The following MYL1 variants were observed in gnomAD, a reference collection of about 807,000 sequenced individuals.
MYL1 encodes myosin light chain 1.
Under a neutral mutation model 21.8 loss-of-function variants are expected in MYL1, and 16 were observed. The observed-to-expected ratio is 0.74, with a 90% CI of 0.50 to 1.12. MYL1 has a LOEUF of 1.12. Among genes scored for constraint, MYL1 ranks in the 50% most tolerant of loss-of-function variants. The pLI is 0.00. For missense variants in MYL1, 246 were observed against 241.0 expected (o/e 1.02, Z -0.14); for synonymous variants, 99 against 85.2 (o/e 1.16, Z -0.89).
intron 3 of MYL1, among the ~76,000 whole-genome samples, chr2:210,294,994 A>G (rs1452066584): frequency 6.6e-6 from 1 of 152,126 alleles, no homozygotes; most frequent in Non-Finnish European, 1.5e-5. Context: ...AGCAGTTTAC[A>G]AGGAGAGAGT....
intron 1 of MYL1, 71 bp downstream of exon 1, chr2:210,314,840 T>C (rs1690466112): frequency 6.4e-7 from 1 of 1,555,744 alleles, no homozygotes; most frequent in Admixed American, 1.7e-5. Flanking sequence ...AATACACGCC[T>C]TTGCAAGTTC....
chr2:210,295,391 T>C (rs1314965936), intron 3 of MYL1, among the ~76,000 whole-genome samples: 1 of 152,070 alleles, frequency 6.6e-6, no homozygotes, highest in Non-Finnish European at 1.5e-5. Context: ...ATCACCACTT[T>C]GGGAAGCCGA....
intron 1 of MYL1, among the ~76,000 whole-genome samples, chr2:210,310,065 A>T (rs1014674970): frequency 6.6e-6 from 1 of 152,118 alleles, no homozygotes; most frequent in African/African-American, 2.4e-5. Context: ...ACCTAGTGAT[A>T]GTGTCAAGTA....
chr2:210,297,884 C>G (rs752178773), intron 3 of MYL1, among the ~76,000 whole-genome samples: 10 of 151,960 alleles, frequency 6.6e-5, no homozygotes, highest in Non-Finnish European at 1.2e-4. Flanking sequence ...GACAAAGTTG[C>G]AATTTCATTT....
chr2:210,301,661 A>G (rs1690267013), intron 2 of MYL1, among the ~76,000 whole-genome samples: 1 of 152,052 alleles, frequency 6.6e-6, no homozygotes, highest in African/African-American at 2.4e-5. Context: ...ACTCCATAAA[A>G]CATTCCTCCC....
chr2:210,303,604 C>T lies in MYL1; in HGVS notation c.133-1089G>A, dbSNP rs561274656. ...CTGAAGAGTGAGTTGAGGGCTGCTC[C>T]GGTCCCTGAGTGGGGTCATCCCTGG... On this transcript the variant is annotated intron_variant, in intron 1 of 6. Coordinates refer to ENST00000352451, the MANE Select transcript of MYL1 (RefSeq NM_079420.3). The T allele has an allele frequency of 1.5e-4, 245 of 1,598,194 alleles. 2 individuals carry two copies. In the South Asian group the frequency reaches 1.6e-3, roughly 11 times the overall value.
chr2:210,314,908 T>C lies in MYL1; in HGVS notation c.132+3A>G. On this transcript the variant is annotated splice_donor_region_variant and intron_variant, in intron 1 of 6. Transcript: ENST00000352451. ...TGACCAAACAGTTCATCCATTTAGT[T>C]ACCTTAATGGCAGAGAGGTCAATTT... The C allele has an allele frequency of 6.2e-7, 1 of 1,613,900 alleles. No homozygotes were observed. Among genetic ancestry groups the C allele is most frequent in the Non-Finnish European group, 8.5e-7 (1 of 1,179,816 alleles).
intron 5 of MYL1, among the ~76,000 whole-genome samples, chr2:210,292,554 T>A (rs1248492155): frequency 1.7e-5 from 2 of 118,636 alleles, no homozygotes; most frequent in South Asian, 2.9e-4. Flanking sequence ...TGGTATTAAT[T>A]GAATTTTTTT....
rs71043988 is a variant in MYL1, at chr2:210,308,399, AATATATATATATATATATATATATAT to A, written c.133-5910_133-5885del. Among the ~76,000 whole-genome samples the A allele has an allele frequency of 1.1e-4, 9 of 84,764 alleles. 1 individual carries two copies. The highest frequency in any genetic ancestry group is 1.1e-4 in the Admixed American group (1 of 8,776). 55.6% of individuals were successfully genotyped at this position (84,764 alleles called of 152,430 possible). On this transcript the variant is annotated intron_variant, in intron 1 of 6. Coordinates refer to ENST00000352451, the MANE Select transcript of MYL1 (RefSeq NM_079420.3). The stretch of plus-strand genomic sequence containing the variant: ...CTTCAACATAGGATATACTTAGGCT[AATATATATATATATATATATATATAT>A]ATATATATATATATATTCTAGTCAC...
intron 1 of MYL1, among the ~76,000 whole-genome samples, chr2:210,309,954 G>A (rs890370402): frequency 6.6e-6 from 1 of 151,944 alleles, no homozygotes; most frequent in Non-Finnish European, 1.5e-5. Context: ...TAATTCTAGA[G>A]AAAATTACAA....
chr2:210,309,324 T>A (rs1690384124), intron 1 of MYL1, among the ~76,000 whole-genome samples: 1 of 152,018 alleles, frequency 6.6e-6, no homozygotes, highest in Non-Finnish European at 1.5e-5. Flanking sequence ...TGGATTTTTT[T>A]ATAAACAGGA....
intron 1 of MYL1, among the ~76,000 whole-genome samples, chr2:210,312,673 G>A (rs769606849): frequency 2.0e-5 from 3 of 151,714 alleles, no homozygotes; most frequent in African/African-American, 4.8e-5. Flanking sequence ...GTTTCCATTT[G>A]TTTCTCTTTT....
intron 1 of MYL1, among the ~76,000 whole-genome samples, chr2:210,311,238 A>G (rs1480108597): frequency 1.3e-5 from 2 of 152,074 alleles, no homozygotes; most frequent in African/African-American, 4.8e-5. Flanking sequence ...AGAAAAAAGA[A>G]CTTACAGATG....
At chr2:210,300,701 T>A (rs1359996556) in intron 2 of MYL1, among the ~76,000 whole-genome samples, 3 of 152,116 alleles carry the variant, frequency 2.0e-5, no homozygotes, top group Non-Finnish European at 4.4e-5. Context: ...AAATGGATTT[T>A]AAATTTTATT....
chr2:210,301,723 A>G (rs773978682), intron 2 of MYL1, among the ~76,000 whole-genome samples: 5 of 152,128 alleles, frequency 3.3e-5, no homozygotes, highest in Non-Finnish European at 5.9e-5. Flanking sequence ...GATCTGTTGG[A>G]TCCAAAGACC....
At chr2:210,307,878 C>T (rs997813241) in intron 1 of MYL1, among the ~76,000 whole-genome samples, 4 of 151,856 alleles carry the variant, frequency 2.6e-5, no homozygotes, top group African/African-American at 9.7e-5. Flanking sequence ...TTGTACCAAC[C>T]TAACAAAGAA....
At position 210,293,737 on chromosome 2, in the gene MYL1, C is replaced by G; in HGVS notation, c.542G>C (p.Cys181Ser). Residue 181 changes from cysteine (C) to serine (S), a missense_variant, in exon 5 of 7, where the codon TGC (cysteine) becomes TCC (serine). By Grantham distance (112) the Cys-to-Ser change is moderately radical (BLOSUM62 -1). Coordinates refer to ENST00000352451, the MANE Select transcript of MYL1 (RefSeq NM_079420.3). ...ATTGATTCTACCTTCGTAGTTGATG[C>G]AGCCATTGGAGTCTTCTTGACCTGC... is the stretch of plus-strand genomic sequence containing the variant. ...LMAGQEDSNG[C>S]INYEAFVKHI... The G allele has an allele frequency of 6.2e-7, 1 of 1,613,912 alleles. No homozygotes were observed.
chr2:210,299,304 A>G (rs967339496), intron 2 of MYL1, among the ~76,000 whole-genome samples: 3 of 152,174 alleles, frequency 2.0e-5, no homozygotes, highest in African/African-American at 7.2e-5. Flanking sequence ...TTACAATTTT[A>G]TGGAGAAAAT....
chr2:210,306,940 A>C (rs1690348563), intron 1 of MYL1, among the ~76,000 whole-genome samples: 1 of 152,108 alleles, frequency 6.6e-6, no homozygotes, highest in Non-Finnish European at 1.5e-5. Flanking sequence ...TATAATATGA[A>C]TACACAATGT....
Sources: allele counts gnomAD v4.1 joint callset (sites outside exome capture counted in the v4.1 genomes callset), GRCh38; gene constraint gnomAD v4.1.1; transcripts MANE v1.5; gene names NCBI Gene and HGNC (gene_info 2026-07-23, HGNC 2026-07-21).